Variants in FTO observed in about 807,000 individuals in gnomAD.
The protein encoded by FTO is FTO alpha-ketoglutarate dependent dioxygenase, also known as alpha-ketoglutarate-dependent dioxygenase FTO.
Under a neutral mutation model 63.9 loss-of-function variants are expected in FTO, and 47 were observed. That is an observed-to-expected ratio of 0.74 (90% CI 0.58 to 0.94). The LOEUF (loss-of-function observed/expected upper bound fraction) is 0.94. Ranked by LOEUF, FTO falls within the 40% of genes least tolerant of loss-of-function variation. The pLI is 0.00. For missense variants in FTO, 562 were observed against 618.1 expected, an observed-to-expected ratio of 0.91 and a Z score of 0.96; for synonymous variants, 207 against 224.4, an observed-to-expected ratio of 0.92 and a Z score of 0.69.
chr16:53,936,015 T>C (rs965720213), intron 8 of FTO, among the ~76,000 whole-genome samples: 1 of 152,202 alleles, frequency 6.6e-6, no homozygotes, highest in African/African-American at 2.4e-5. Flanking sequence ...TAAATGGATG[T>C]CTTTTGTTGA....
At chr16:54,092,815 G>A (rs958227033) in intron 8 of FTO, among the ~76,000 whole-genome samples, 1 of 152,132 alleles carries the variant, frequency 6.6e-6, no homozygotes, top group Non-Finnish European at 1.5e-5. Flanking sequence ...CTTGCAGAAG[G>A]CTATTCACGT....
At chr16:53,730,519 G>A (rs569887289) in intron 1 of FTO, among the ~76,000 whole-genome samples, 34 of 150,422 alleles carry the variant, frequency 2.3e-4, no homozygotes, top group South Asian at 8.4e-4. Context: ...TTTGAGACAG[G>A]GTCTCACTCT....
At chr16:53,947,436 T>C (rs2082676238) in intron 8 of FTO, among the ~76,000 whole-genome samples, 1 of 152,222 alleles carries the variant, frequency 6.6e-6, no homozygotes, top group Non-Finnish European at 1.5e-5. Context: ...TAACTAACTC[T>C]GGGCTTGGTT....
intron 6 of FTO, among the ~76,000 whole-genome samples, chr16:53,887,207 T>G (rs1273471453): frequency 6.6e-6 from 1 of 152,200 alleles, no homozygotes; most frequent in African/African-American, 2.4e-5. Context: ...TTTTTGTCTT[T>G]TCATCTTGCA....
intron 8 of FTO, among the ~76,000 whole-genome samples, chr16:54,065,416 G>A (rs1270823982): frequency 6.6e-6 from 1 of 151,952 alleles, no homozygotes; most frequent in Non-Finnish European, 1.5e-5. Flanking sequence ...CACTCACCTT[G>A]GCCTCCCAAA....
At chr16:53,708,978 A>G (rs919183811) in intron 1 of FTO, among the ~76,000 whole-genome samples, 3 of 152,156 alleles carry the variant, frequency 2.0e-5, no homozygotes, top group African/African-American at 7.2e-5. Context: ...TAGGTTACTT[A>G]ATAGTTTTTA....
At position 53,852,101 on chromosome 16, in the gene FTO, C is replaced by CAAAAAAAAAAAAAAAAAAAAAAAA. The variant is rs57004473; in HGVS notation, c.895+7822_895+7823insAAAAAAAAAAAAAAAAAAAAAAAA. On this transcript the variant is annotated intron_variant, in intron 4 of 8. Coordinates refer to ENST00000471389, the MANE Select transcript of FTO (RefSeq NM_001080432.3). ...CAAAACTCTGTCTCTACAAAAAATA[C>CAAAAAAAAAAAAAAAAAAAAAAAA]AAAAAAAAAAAAAAAAAAAGCCAGG... 2.0e-4 allele frequency among the ~76,000 whole-genome samples: 11 copies of CAAAAAAAAAAAAAAAAAAAAAAAA among 54,440 alleles called. 1 individual carries two copies. Among genetic ancestry groups the CAAAAAAAAAAAAAAAAAAAAAAAA allele is most frequent in the East Asian group, 1.1e-3 (2 of 1,806 alleles). The allele number at this position is 54,440 out of a possible 152,430, so 35.7% of individuals were successfully genotyped here.
At chr16:53,713,970 T>A (rs1003185066) in intron 1 of FTO, among the ~76,000 whole-genome samples, 2 of 152,212 alleles carry the variant, frequency 1.3e-5, no homozygotes, top group African/African-American at 4.8e-5. Flanking sequence ...GCTATAAGCA[T>A]CTGTCCTGTT....
rs112573957 is a variant in FTO, at chr16:53,796,053, T to C, written c.46-14087T>C. ...GTTTTTTTTCTTTCTTTCTTTCTTT[T>C]TTTTTTTTTTTTGGAGACGGAGTCT... On this transcript the variant is annotated intron_variant, in intron 1 of 8. Coordinates refer to ENST00000471389, the MANE Select transcript of FTO (RefSeq NM_001080432.3). Among the ~76,000 whole-genome samples the C allele has an allele frequency of 2.2e-4, 19 of 86,554 alleles. No individual in the cohort carries two copies. In the South Asian group the frequency reaches 2.8e-3, roughly 13 times the overall value. The allele number at this position is 86,554 out of a possible 152,430, so 56.8% of individuals were successfully genotyped here.
intron 8 of FTO, among the ~76,000 whole-genome samples, chr16:53,946,435 T>C (rs1277439562): frequency 6.6e-6 from 1 of 152,226 alleles, no homozygotes; most frequent in Non-Finnish European, 1.5e-5. Flanking sequence ...TTTAGTTTAA[T>C]AAACCTTTAG....
At chr16:53,801,141 C>T (rs1268198518) in intron 1 of FTO, among the ~76,000 whole-genome samples, 2 of 151,680 alleles carry the variant, frequency 1.3e-5, no homozygotes, top group African/African-American at 2.4e-5. Flanking sequence ...CCACTTTTGT[C>T]TATTCTTTGA....
At chr16:53,885,317 G>A (rs1358179197) in intron 6 of FTO, among the ~76,000 whole-genome samples, 3 of 152,134 alleles carry the variant, frequency 2.0e-5, no homozygotes, top group Admixed American at 1.3e-4. Flanking sequence ...ACTGGTAAAC[G>A]TGGCATTTGA....
intron 7 of FTO, among the ~76,000 whole-genome samples, chr16:53,922,097 C>T (rs1337104672): frequency 2.6e-5 from 4 of 152,244 alleles, no homozygotes; most frequent in East Asian, 3.9e-4. Flanking sequence ...ACAGTTTTAT[C>T]GATGATGGTC....
intron 1 of FTO, among the ~76,000 whole-genome samples, chr16:53,804,252 A>G (rs2078297468): frequency 6.6e-6 from 1 of 152,150 alleles, no homozygotes. Context: ...CCCCTGCCTC[A>G]CTGTTTGAAT....
At chr16:53,959,958 A>C (rs866511849) in intron 8 of FTO, among the ~76,000 whole-genome samples, 1 of 152,172 alleles carries the variant, frequency 6.6e-6, no homozygotes, top group Non-Finnish European at 1.5e-5. Flanking sequence ...TGTAAACTGC[A>C]TGGCAAGAAG....
intron 8 of FTO, among the ~76,000 whole-genome samples, chr16:54,017,466 T>G (rs935547401): frequency 2.2e-4 from 34 of 152,214 alleles, no homozygotes; most frequent in African/African-American, 8.2e-4. Context: ...TCCCTGCTTT[T>G]ATTTAAAAGA....
chr16:53,951,545 G>C (rs1428389587), intron 8 of FTO, among the ~76,000 whole-genome samples: 3 of 152,172 alleles, frequency 2.0e-5, no homozygotes, highest in Non-Finnish European at 4.4e-5. Flanking sequence ...AGATGATTCT[G>C]TGAGACACTG....
At chr16:53,802,343 C>T (rs746663485) in intron 1 of FTO, among the ~76,000 whole-genome samples, 2 of 151,942 alleles carry the variant, frequency 1.3e-5, no homozygotes, top group Middle Eastern at 3.2e-3. Context: ...AAAAAGTCTG[C>T]ACATGTTTGG....
intron 2 of FTO, among the ~76,000 whole-genome samples, chr16:53,823,246 C>A (rs1389344541): frequency 6.6e-6 from 1 of 152,174 alleles, no homozygotes; most frequent in East Asian, 1.9e-4. Context: ...TAGTTGAGTA[C>A]CCCGCCCTTC....
Sources: gnomAD v4.1 joint callset for allele counts (sites outside exome capture counted in the v4.1 genomes callset) on GRCh38, gnomAD v4.1.1 for gene constraint, MANE v1.5 for transcripts, NCBI Gene and HGNC (gene_info 2026-07-23, HGNC 2026-07-21) for gene names.